The following ADAM22 variants were observed in gnomAD, a reference collection of about 807,000 sequenced individuals.
ADAM22 encodes disintegrin and metalloproteinase domain-containing protein 22.
A neutral mutation model predicts 144.6 loss-of-function variants in ADAM22; 65 were observed. The ratio of observed to expected loss-of-function variants is 0.45; its 90% CI spans 0.37 to 0.55. The LOEUF (loss-of-function observed/expected upper bound fraction) is 0.55, where lower values mean the gene tolerates loss of function less well. ADAM22 is among the 20% of genes least tolerant of loss of function. The pLI is 0.00. For synonymous variants in ADAM22, 391 were observed against 412.6 expected (o/e 0.95, Z 0.63); for missense variants, 974 against 1,184.9 (o/e 0.82, Z 2.61).
intron 4 of ADAM22, among the ~76,000 whole-genome samples, chr7:88,085,808 C>T (rs1818294954): frequency 6.6e-6 from 1 of 152,198 alleles, no homozygotes; most frequent in Non-Finnish European, 1.5e-5. Context: ...ATCATAACCC[C>T]TTCCTTGCTT....
At chr7:88,092,872 T>A (rs192917594) in intron 4 of ADAM22, among the ~76,000 whole-genome samples, 5 of 152,238 alleles carry the variant, frequency 3.3e-5, no homozygotes, top group Non-Finnish European at 7.3e-5. Context: ...TGACAGCTGC[T>A]GTCAGCATGA....
chr7:87,947,209 A>G (rs1237663331), intron 2 of ADAM22, among the ~76,000 whole-genome samples: 6 of 152,206 alleles, frequency 3.9e-5, no homozygotes, highest in African/African-American at 1.2e-4. Context: ...CTAAAATAAA[A>G]GTTGAAATTA....
chr7:88,039,578 A>G (rs1398296509), intron 3 of ADAM22, among the ~76,000 whole-genome samples: 3 of 147,172 alleles, frequency 2.0e-5, no homozygotes, highest in African/African-American at 7.4e-5. Context: ...AGATAATATA[A>G]TTATGGTTGA....
intron 14 of ADAM22, among the ~76,000 whole-genome samples, chr7:88,138,790 A>C (rs1265521864): frequency 6.6e-6 from 1 of 152,248 alleles, no homozygotes; most frequent in African/African-American, 2.4e-5. Context: ...TTACATAGTT[A>C]AGAATACAGA....
At chr7:87,990,425 T>G (rs1789513564) in intron 3 of ADAM22, among the ~76,000 whole-genome samples, 1 of 152,172 alleles carries the variant, frequency 6.6e-6, no homozygotes, top group African/African-American at 2.4e-5. Flanking sequence ...ATACACCAAA[T>G]AAGTAACATA....
chr7:88,130,381 C>T lies in ADAM22; in HGVS notation c.754-7C>T. ...CAAGACCTTCACTTGTTTTCTTTTGCTTTCAGTTTAAAAAACATCGGCTTT... is the reference window on the plus strand; with the variant it reads ...CAAGACCTTCACTTGTTTTCTTTTGTTTTCAGTTTAAAAAACATCGGCTTT... On this transcript the variant is annotated splice_region_variant and splice_polypyrimidine_tract_variant and intron_variant, in intron 9 of 31. Coordinates refer to ENST00000413139, the MANE Select transcript of ADAM22 (RefSeq NM_001324418.2). 1 of 1,608,040 alleles carries T rather than the reference C, an allele frequency of 6.2e-7. No homozygotes were observed.
chr7:87,985,941 A>T (rs1156958788), intron 3 of ADAM22, among the ~76,000 whole-genome samples: 1 of 152,028 alleles, frequency 6.6e-6, no homozygotes, highest in Non-Finnish European at 1.5e-5. Flanking sequence ...GTTTTTCTAT[A>T]AATTCTATTT....
intron 9 of ADAM22, among the ~76,000 whole-genome samples, chr7:88,129,956 T>TTA (rs1831347980): frequency 6.6e-6 from 1 of 152,166 alleles, no homozygotes; most frequent in Non-Finnish European, 1.5e-5. Flanking sequence ...TCTTGCTGAA[T>TTA]AAGTCTTGCA....
At chr7:88,042,260 C>A (rs1803339861) in intron 3 of ADAM22, among the ~76,000 whole-genome samples, 1 of 151,936 alleles carries the variant, frequency 6.6e-6, no homozygotes. Context: ...TTCCATTTTG[C>A]AGAGGGTTTG....
At chr7:88,027,859 T>G (rs1799373760) in intron 3 of ADAM22, among the ~76,000 whole-genome samples, 1 of 152,040 alleles carries the variant, frequency 6.6e-6, no homozygotes, top group South Asian at 2.1e-4. Flanking sequence ...AGGCATTATC[T>G]TGGCTCACTG....
At chr7:88,021,740 T>A (rs1315751599) in intron 3 of ADAM22, among the ~76,000 whole-genome samples, 1 of 152,192 alleles carries the variant, frequency 6.6e-6, no homozygotes, top group Non-Finnish European at 1.5e-5. Flanking sequence ...TATGTATGTG[T>A]ACTTGTGCAT....
chr7:88,005,581 G>A (rs914416233), intron 3 of ADAM22, among the ~76,000 whole-genome samples: 1 of 152,178 alleles, frequency 6.6e-6, no homozygotes, highest in African/African-American at 2.4e-5. Flanking sequence ...TGAGCTCACA[G>A]AGACCAGTGA....
intron 2 of ADAM22, among the ~76,000 whole-genome samples, chr7:87,966,281 C>G (rs991931794): frequency 6.6e-6 from 1 of 152,174 alleles, no homozygotes; most frequent in African/African-American, 2.4e-5. Flanking sequence ...GTTAGGGTTC[C>G]TTGCACTCAG....
intron 26 of ADAM22, among the ~76,000 whole-genome samples, chr7:88,174,328 T>C (rs906085052): frequency 6.6e-5 from 10 of 152,180 alleles, no homozygotes; most frequent in African/African-American, 2.2e-4. Flanking sequence ...TTCTGGGTCA[T>C]AGTGAAGGCA....
intron 16 of ADAM22, 92 bp downstream of exon 16, chr7:88,145,288 T>C: frequency 6.7e-7 from 1 of 1,501,746 alleles, no homozygotes; most frequent in Non-Finnish European, 9.2e-7. Flanking sequence ...ATGTCATGCC[T>C]GGAATTTTAT....
chr7:88,163,108 T>C lies in ADAM22; in HGVS notation c.2004T>C (p.Cys668=), dbSNP rs1842134351. The C allele has an allele frequency of 6.2e-7, 1 of 1,612,316 alleles. No homozygotes were observed. Among genetic ancestry groups the C allele is most frequent in the Non-Finnish European group, 8.5e-7 (1 of 1,179,078 alleles). The part of the protein sequence containing the change: ...GPQMMCLEHR[C]LPVASFNFST... The stretch of plus-strand genomic sequence containing the variant: ...AAATGATGTGCTTAGAACACAGGTG[T>C]CTTCCTGTGGCTTCTTTCAACTTTA... Residue 668 remains cysteine (C), a synonymous_variant, in exon 23 of 32, where the codon TGT becomes TGC. Transcript: ENST00000413139.
At chr7:87,941,061 T>C (rs1842370493) in intron 2 of ADAM22, among the ~76,000 whole-genome samples, 1 of 152,210 alleles carries the variant, frequency 6.6e-6, no homozygotes, top group Admixed American at 6.5e-5. Context: ...TTTCACCCCA[T>C]ACATTTTTAA....
chr7:87,973,455 T>C (rs1851020860), intron 2 of ADAM22, among the ~76,000 whole-genome samples: 1 of 151,882 alleles, frequency 6.6e-6, no homozygotes, highest in Non-Finnish European at 1.5e-5. Context: ...CTGGAGAGGA[T>C]GTGGAGAAAT....
intron 4 of ADAM22, among the ~76,000 whole-genome samples, chr7:88,076,111 C>T (rs1814409057): frequency 1.3e-5 from 2 of 152,186 alleles, no homozygotes; most frequent in South Asian, 4.1e-4. Context: ...GATCTCGGCT[C>T]ACTGCAAGCT....
Sources: gnomAD v4.1 joint callset for allele counts (sites outside exome capture counted in the v4.1 genomes callset) on GRCh38, gnomAD v4.1.1 for gene constraint, MANE v1.5 for transcripts, NCBI Gene and HGNC (gene_info 2026-07-23, HGNC 2026-07-21) for gene names.